The following ZNG1A variants were observed in gnomAD, a reference collection of about 807,000 sequenced individuals.
The protein encoded by ZNG1A is Zn regulated GTPase metalloprotein activator 1A.
At chr9:163,650 C>T in the ZNG1A span, among the ~76,000 whole-genome samples, 1 of 152,024 alleles carries the variant, frequency 6.6e-6, no homozygotes, top group Non-Finnish European at 1.5e-5. Context: ...GGTGTGGTGG[C>T]TCACGCCTGT....
the ZNG1A span, chr9:147,032 G>C: frequency 6.6e-5 from 10 of 151,182 alleles, no homozygotes; most frequent in African/African-American, 2.4e-4. Flanking sequence ...ACAAAAATTA[G>C]CTGGGTGTGG....
At chr9:127,143 C>T in the ZNG1A span, among the ~76,000 whole-genome samples, 2 of 152,102 alleles carry the variant, frequency 1.3e-5, no homozygotes, top group South Asian at 2.1e-4. Context: ...TTGAACAGAA[C>T]GTATATTCTG....
chr9:150,077 A>G, the ZNG1A span: 6 of 149,472 alleles, frequency 4.0e-5, no homozygotes, highest in South Asian at 6.3e-4. Flanking sequence ...CAAAACTTCT[A>G]TAAGAGTGAC....
At chr9:121,468 T>G in the ZNG1A span, 2 of 1,611,204 alleles carry the variant, frequency 1.2e-6, no homozygotes, top group Admixed American at 1.7e-5. Context: ...CCTCTAGTGT[T>G]ATGTACAAAC....
the ZNG1A span, chr9:154,763 T>C: frequency 1.3e-6 from 2 of 1,596,978 alleles, no homozygotes; most frequent in Non-Finnish European, 1.7e-6. Context: ...GTCTGTTTTA[T>C]TAATGAGAAT....
At chr9:122,410 G>A in the ZNG1A span, 1 of 1,195,290 alleles carries the variant, frequency 8.4e-7, no homozygotes, top group Non-Finnish European at 1.1e-6. Flanking sequence ...GATGAAATAT[G>A]TATCATATCC....
At chr9:174,525 G>C in the ZNG1A span, among the ~76,000 whole-genome samples, 3 of 151,894 alleles carry the variant, frequency 2.0e-5, no homozygotes, top group South Asian at 6.2e-4. Context: ...AAAGAAAATA[G>C]TAAGAATAAA....
the ZNG1A span, among the ~76,000 whole-genome samples, chr9:138,631 G>A: frequency 2.8e-5 from 4 of 144,936 alleles, no homozygotes; most frequent in Admixed American, 6.9e-5. Context: ...GGGTGTGGTG[G>A]GCTACACATG....
At chr9:120,908 T>A in the ZNG1A span, 1 of 159,886 alleles carries the variant, frequency 6.3e-6, no homozygotes, top group Non-Finnish European at 1.4e-5. Context: ...CCCCATTCCT[T>A]TAGTGTGGGC....
the ZNG1A span, among the ~76,000 whole-genome samples, chr9:171,408 A>G: frequency 5.4e-4 from 82 of 152,146 alleles, 1 homozygote; most frequent in Non-Finnish European, 1.9e-4. Context: ...GAAAATAAAG[A>G]TTTTATCTAA....
chr9:158,691 A>G, the ZNG1A span, among the ~76,000 whole-genome samples: 1 of 150,790 alleles, frequency 6.6e-6, no homozygotes, highest in Non-Finnish European at 1.5e-5. Flanking sequence ...AGGCAGTCAG[A>G]AAGTATCAAA....
At chr9:139,909 C>A in the ZNG1A span, among the ~76,000 whole-genome samples, 2 of 150,072 alleles carry the variant, frequency 1.3e-5, no homozygotes, top group South Asian at 4.2e-4. Flanking sequence ...ACAGACGGCA[C>A]CTGGAAGATC....
the ZNG1A span, among the ~76,000 whole-genome samples, chr9:135,314 T>C: frequency 1.2e-4 from 18 of 145,218 alleles, no homozygotes; most frequent in African/African-American, 4.4e-4. Context: ...TGGTTAAATA[T>C]GTCAGTAAAT....
At chr9:167,768 T>C in the ZNG1A span, among the ~76,000 whole-genome samples, 1 of 148,564 alleles carries the variant, frequency 6.7e-6, no homozygotes, top group Non-Finnish European at 1.5e-5. Flanking sequence ...TCACTTTAAA[T>C]CAAGAGCTAG....
the ZNG1A span, among the ~76,000 whole-genome samples, chr9:145,634 C>T: frequency 6.6e-6 from 1 of 150,378 alleles, no homozygotes; most frequent in Non-Finnish European, 1.5e-5. Flanking sequence ...ACCAGCATGG[C>T]ACATGTATAC....
At chr9:152,286 T>G in the ZNG1A span, among the ~76,000 whole-genome samples, 2 of 152,112 alleles carry the variant, frequency 1.3e-5, no homozygotes, top group African/African-American at 4.8e-5. Flanking sequence ...TATATTCCAC[T>G]CATACATTAA....
the ZNG1A span, among the ~76,000 whole-genome samples, chr9:126,855 G>T: frequency 6.6e-5 from 10 of 152,034 alleles, 1 homozygote; most frequent in African/African-American, 2.4e-4. Context: ...CACCGCCTCT[G>T]CTGTGTCCCA....
At chr9:167,635 A>G in the ZNG1A span, 1 of 150,228 alleles carries the variant, frequency 6.7e-6, no homozygotes, top group African/African-American at 2.5e-5. Context: ...ATTAAAACAT[A>G]GAACTAAAAG....
At chr9:160,076 T>A in the ZNG1A span, 33 of 454,618 alleles carry the variant, frequency 7.3e-5, no homozygotes, top group Non-Finnish European at 1.4e-4. Flanking sequence ...AAGAACAATG[T>A]CAGTAGCCTG....
Sources: gnomAD v4.1 joint callset for allele counts (sites outside exome capture counted in the v4.1 genomes callset) on GRCh38, gnomAD v4.1.1 for gene constraint, MANE v1.5 for transcripts, NCBI Gene and HGNC (gene_info 2026-07-23, HGNC 2026-07-21) for gene names.